The following MCF2L2 variants were observed in gnomAD, a reference collection of about 807,000 sequenced individuals.
MCF2L2 encodes the protein probable guanine nucleotide exchange factor MCF2L2.
A neutral mutation model predicts 150.2 loss-of-function variants in MCF2L2; 102 were observed. That is an observed-to-expected ratio of 0.68 (90% confidence interval 0.58 to 0.80). The LOEUF is 0.80. Ranked by LOEUF, MCF2L2 falls within the 30% of genes least tolerant of loss-of-function variation. The pLI, the probability that MCF2L2 is intolerant of heterozygous loss-of-function variation, is 0.00. For synonymous variants in MCF2L2, 465 were observed against 491.3 expected (o/e 0.95, Z 0.71); for missense variants, 1,256 against 1,372.8 (o/e 0.91, Z 1.34).
At chr3:183,424,655 C>T (rs1442492927) in intron 1 of MCF2L2, among the ~76,000 whole-genome samples, 2 of 152,112 alleles carry the variant, frequency 1.3e-5, no homozygotes, top group Non-Finnish European at 2.9e-5. Flanking sequence ...GTATGATGGG[C>T]ACAATGCGAG....
chr3:183,384,728 T>A (rs1488161638), intron 2 of MCF2L2, among the ~76,000 whole-genome samples: 1 of 152,176 alleles, frequency 6.6e-6, no homozygotes, highest in Non-Finnish European at 1.5e-5. Context: ...CACAACCGGC[T>A]CTGCATGAAT....
At chr3:183,280,379 A>G (rs1727401712) in intron 14 of MCF2L2, among the ~76,000 whole-genome samples, 1 of 152,196 alleles carries the variant, frequency 6.6e-6, no homozygotes, top group Non-Finnish European at 1.5e-5. Context: ...TAGATTTTGA[A>G]AAGTCCCAAT....
At chr3:183,371,253 C>T (rs984244191) in intron 3 of MCF2L2, among the ~76,000 whole-genome samples, 2 of 152,220 alleles carry the variant, frequency 1.3e-5, no homozygotes, top group Admixed American at 1.3e-4. Context: ...ACCTGTGACA[C>T]AGCCTCAGGA....
chr3:183,357,618 G>GTT (rs1280270043), intron 3 of MCF2L2, among the ~76,000 whole-genome samples: 7 of 152,060 alleles, frequency 4.6e-5, no homozygotes, highest in Non-Finnish European at 1.5e-5. Context: ...GTCCTCAAGG[G>GTT]GAAAAAGACT....
chr3:183,271,252 A>ATGTT (rs1726754901), intron 15 of MCF2L2: 2 of 197,554 alleles, frequency 1.0e-5, no homozygotes, highest in Non-Finnish European at 2.3e-5. Context: ...AGAAGTTTTG[A>ATGTT]TGTTAGAATA....
At chr3:183,318,822 C>T (rs1729698676) in intron 6 of MCF2L2, among the ~76,000 whole-genome samples, 1 of 152,190 alleles carries the variant, frequency 6.6e-6, no homozygotes, top group Non-Finnish European at 1.5e-5. Flanking sequence ...ATTCCACATA[C>T]CTTAATTTCA....
chr3:183,327,083 T>C (rs1279470470), intron 5 of MCF2L2, among the ~76,000 whole-genome samples: 2 of 152,056 alleles, frequency 1.3e-5, no homozygotes, highest in African/African-American at 2.4e-5. Context: ...TCCCAGCACT[T>C]TGGGGGGCCG....
chr3:183,210,163 A>G (rs1722642596), intron 22 of MCF2L2, among the ~76,000 whole-genome samples: 2 of 152,174 alleles, frequency 1.3e-5, no homozygotes, highest in African/African-American at 4.8e-5. Flanking sequence ...AGTCGCAACT[A>G]CTTGGGAGGC....
chr3:183,279,456 T>C (rs1727353347), intron 14 of MCF2L2, among the ~76,000 whole-genome samples: 1 of 152,212 alleles, frequency 6.6e-6, no homozygotes, highest in South Asian at 2.1e-4. Context: ...TGAGCTCCAT[T>C]GAATGATAAA....
At chr3:183,390,665 G>A (rs1333046297) in intron 1 of MCF2L2, among the ~76,000 whole-genome samples, 1 of 152,178 alleles carries the variant, frequency 6.6e-6, no homozygotes, top group Non-Finnish European at 1.5e-5. Flanking sequence ...CTGAGGCCGA[G>A]GGGGAAGGAC....
rs138508879 is a variant in MCF2L2 at position 183,311,161 on chromosome 3, C to T, written c.879-132G>A. 350 of 606,758 alleles carry T rather than the reference C, an allele frequency of 5.8e-4. No homozygotes were observed. In the African/African-American group the frequency reaches 5.8e-3, roughly 10 times the overall value. 37.6% of individuals were successfully genotyped at this position (606,758 alleles called of 1,614,324 possible). ...TGTGACCATCTCATTATTATGAAAG[C>T]ATGTGTCACCTATGCCTTTCTTCTG... On this transcript the variant is annotated intron_variant, in intron 8 of 29. Transcript: ENST00000328913.
intron 1 of MCF2L2, among the ~76,000 whole-genome samples, chr3:183,391,649 G>A (rs1287452328): frequency 1.3e-5 from 2 of 152,240 alleles, no homozygotes; most frequent in East Asian, 3.9e-4. Context: ...GACAAAATGT[G>A]GATAATTATT....
intron 1 of MCF2L2, among the ~76,000 whole-genome samples, chr3:183,423,632 GT>G (rs34400256): frequency 0.014 from 1,265 of 91,930 alleles, 1 homozygote; most frequent in Admixed American, 0.02. Flanking sequence ...AATTTTATTT[GT>G]TTTTTTTTTT....
intron 25 of MCF2L2, among the ~76,000 whole-genome samples, chr3:183,198,747 T>C (rs1722157326): frequency 1.3e-5 from 2 of 152,144 alleles, no homozygotes. Flanking sequence ...CTTCAAATAA[T>C]TTGAATGCAG....
At position 183,428,190 on chromosome 3, in the gene MCF2L2, T is replaced by G; in HGVS notation, c.-213A>C. The G allele has an allele frequency of 1.9e-6, 1 of 532,162 alleles. No individual in the cohort carries two copies. 33.0% of individuals were successfully genotyped at this position (532,162 alleles called of 1,614,324 possible). On this transcript the variant is annotated 5_prime_UTR_variant, in exon 1 of 30. Coordinates refer to ENST00000328913, the MANE Select transcript of MCF2L2 (RefSeq NM_015078.4). This position sits in a 1 kb window ranked among gnomAD's most constrained non-coding sequence, Gnocchi z 5.1. ...TCCCGTGACAGACCAAGTCTGGCGCTTTCCCAGCGTCGCAGCTGGACCGAG... is the reference window on the plus strand; with the variant it reads ...TCCCGTGACAGACCAAGTCTGGCGCGTTCCCAGCGTCGCAGCTGGACCGAG...
chr3:183,409,332 T>C (rs1715201744), intron 1 of MCF2L2, among the ~76,000 whole-genome samples: 1 of 152,194 alleles, frequency 6.6e-6, no homozygotes, highest in African/African-American at 2.4e-5. Context: ...AAAGCAAATG[T>C]GAGCATTCAA....
chr3:183,283,600 C>T lies in MCF2L2; in HGVS notation c.1776+5520G>A, dbSNP rs894860071. On this transcript the variant is annotated intron_variant, in intron 14 of 29. Coordinates refer to ENST00000328913, the MANE Select transcript of MCF2L2 (RefSeq NM_015078.4). The surrounding 1 kb of genome is among the most constrained non-coding windows in gnomAD (Gnocchi z 4.2). The stretch of plus-strand genomic sequence containing the variant: ...GCAGTGGCACCATCTTGGCTCACTG[C>T]ACCCTCTGCCTCCCAGGTTCAAGTG... 6.6e-6 allele frequency among the ~76,000 whole-genome samples: 1 copy of T among 152,114 alleles called. No individual in the cohort carries two copies. The highest frequency in any genetic ancestry group is 6.5e-5 in the Admixed American group (1 of 15,270).
chr3:183,180,228 G>T (rs1019072337), intron 27 of MCF2L2, 69 bp from the exon 28 acceptor site: 4 of 1,010,412 alleles, frequency 4.0e-6, no homozygotes, highest in South Asian at 1.3e-5. Context: ...CCATGGCAGG[G>T]TGTAGCAGGC....
At chr3:183,250,314 G>T (rs550129304) in intron 15 of MCF2L2, among the ~76,000 whole-genome samples, 2 of 152,316 alleles carry the variant, frequency 1.3e-5, no homozygotes, top group East Asian at 3.9e-4. Context: ...GGCTGGGAGC[G>T]GTGGTTCACG....
Sources: allele counts gnomAD v4.1 joint callset (sites outside exome capture counted in the v4.1 genomes callset), GRCh38; gene constraint gnomAD v4.1.1; non-coding constraint Gnocchi (gnomAD v3.1); transcripts MANE v1.5; gene names NCBI Gene and HGNC (gene_info 2026-07-23, HGNC 2026-07-21).